The following CDH23 variants were observed in gnomAD, a reference collection of about 807,000 sequenced individuals.
CDH23 encodes cadherin-23.
Under a neutral mutation model 317.1 loss-of-function variants are expected in CDH23, and 189 were observed. That is an observed-to-expected ratio of 0.60 (90% confidence interval 0.53 to 0.67). CDH23 has a LOEUF of 0.67. Ranked by LOEUF, CDH23 falls within the 30% of genes least tolerant of loss-of-function variation. The pLI, the probability that CDH23 is intolerant of heterozygous loss-of-function variation, is 0.00. For missense variants in CDH23, 4,401 were observed against 4,592.4 expected (o/e 0.96, Z 1.20); for synonymous variants, 1,839 against 1,876.8 (o/e 0.98, Z 0.52).
At chr10:71,734,205 T>C in intron 32 of CDH23, 35 bp from the exon 33 acceptor site, 2 of 1,534,932 alleles carry the variant, frequency 1.3e-6, no homozygotes, top group Non-Finnish European at 1.8e-6. Context: ...AAGGGTGCGA[T>C]GTTGTCACTC....
intron 14 of CDH23, among the ~76,000 whole-genome samples, chr10:71,673,530 G>A (rs757788997): frequency 1.3e-5 from 2 of 152,224 alleles, no homozygotes; most frequent in Non-Finnish European, 2.9e-5. Context: ...ACTTTGGGCA[G>A]TGTGGTCTCC....
In CDH23 at chr10:71,482,858, C is replaced by G. The variant is rs564426141; in HGVS notation, c.146-27224C>G. Among the ~76,000 whole-genome samples the G allele has an allele frequency of 1.4e-4, 22 of 152,290 alleles. No homozygotes were observed. The South Asian group carries it at 3.1e-3, about 22-fold the overall frequency. On this transcript the variant is annotated intron_variant, in intron 3 of 69. Transcript: ENST00000224721. Reference sequence around the variant, plus strand: ...TTGCATTTGGCCCTAAGTTTTCTGACAGTTAAATCCAAGAGGGAGCCATCC... The same window carrying G: ...TTGCATTTGGCCCTAAGTTTTCTGAGAGTTAAATCCAAGAGGGAGCCATCC...
rs755817193 is a variant in CDH23, at chr10:71,784,388, C to T, written c.5470C>T (p.Arg1824Cys). 23 of 1,613,738 alleles carry T rather than the reference C, an allele frequency of 1.4e-5. No individual in the cohort carries two copies. In the African/African-American group the frequency reaches 2.5e-4, roughly 18 times the overall value. ...CTTCTACAACCTGACCATCTGTGCC[C>T]GTGACCGGGGGATGCCCCCACTCAG... ...IAFYNLTICA[R>C]DRGMPPLSST... Residue 1824 changes from arginine (R) to cysteine (C), a missense_variant, in exon 42 of 70, where the codon CGT (arginine) becomes TGT (cysteine). By Grantham distance (180) the Arg-to-Cys change is radical (BLOSUM62 -3). This residue lies in a region of CDH23 where 3,068 missense variants were observed against 3,203.3 expected (regional missense o/e 0.96). Transcript: ENST00000224721.
At chr10:71,693,261 G>C (rs1407100111) in intron 20 of CDH23, among the ~76,000 whole-genome samples, 1 of 148,026 alleles carries the variant, frequency 6.8e-6, no homozygotes, top group African/African-American at 2.5e-5. Context: ...TTTACACCAA[G>C]GAAATTGGCA....
chr10:71,466,178 C>T (rs1171623768), intron 3 of CDH23, among the ~76,000 whole-genome samples: 5 of 152,248 alleles, frequency 3.3e-5, no homozygotes, highest in East Asian at 3.9e-4. Flanking sequence ...TGTATGTGCC[C>T]GTCTGTGTGT....
Position 71,563,615 on chromosome 10 carries a change from A to T in CDH23, c.430-3127A>T, listed in dbSNP as rs116332736. The stretch of plus-strand genomic sequence containing the variant: ...GGCTCATCTCACCCTGCCTGTAATG[A>T]TATTTTATTACTATAGTAATAAGTG... On this transcript the variant is annotated intron_variant, in intron 6 of 69. Coordinates refer to ENST00000224721, the MANE Select transcript of CDH23 (RefSeq NM_022124.6). Among the ~76,000 whole-genome samples, 786 of 152,182 alleles carry T rather than the reference A, an allele frequency of 5.2e-3. 11 individuals carry two copies. The highest frequency in any genetic ancestry group is 0.018 in the African/African-American group (736 of 41,500).
chr10:71,797,134 G>A lies in CDH23; in HGVS notation c.6743G>A (p.Arg2248Gln), dbSNP rs769048383. The A allele has an allele frequency of 8.7e-6, 14 of 1,613,332 alleles. No individual in the cohort carries two copies. The highest frequency in any genetic ancestry group is 1.7e-4 in the Middle Eastern group (1 of 6,032). Reference sequence around the variant, plus strand: ...GTAATGGTGAAGTCCCCCATGAATCGGGAGCTGGTTGCCACCTATGAGGTC... The same window carrying A: ...GTAATGGTGAAGTCCCCCATGAATCAGGAGCTGGTTGCCACCTATGAGGTC... ...GSVMVKSPMN[R>Q]ELVATYEVTL... The change falls in exon 49 of 70, where the codon CGG becomes CAG. Residue 2248 changes from arginine (R) to glutamine (Q), a missense_variant. Transcript: ENST00000224721.
chr10:71,723,235 G>A (rs1005897919), intron 28 of CDH23, among the ~76,000 whole-genome samples: 1 of 152,186 alleles, frequency 6.6e-6, no homozygotes, highest in Non-Finnish European at 1.5e-5. Context: ...ACTGCCCTGG[G>A]GGGTGTTTGT....
chr10:71,469,592 G>A (rs567561504), intron 3 of CDH23, among the ~76,000 whole-genome samples: 20 of 146,164 alleles, frequency 1.4e-4, no homozygotes, highest in African/African-American at 4.6e-4. Context: ...TAAAGCTTTC[G>A]TGAACATTTG....
intron 3 of CDH23, among the ~76,000 whole-genome samples, chr10:71,465,530 G>A (rs1322407962): frequency 3.3e-5 from 5 of 152,252 alleles, no homozygotes; most frequent in Non-Finnish European, 7.3e-5. Context: ...GTGCCACCGA[G>A]TGGTCTGGAT....
intron 9 of CDH23, among the ~76,000 whole-genome samples, chr10:71,584,058 A>G (rs1858856937): frequency 1.3e-5 from 2 of 152,124 alleles, no homozygotes; most frequent in African/African-American, 4.8e-5. Flanking sequence ...CGCCCGGGCA[A>G]CACTGATGCT....
chr10:71,681,145 CTT>C (rs1250061152), intron 17 of CDH23, among the ~76,000 whole-genome samples: 1 of 152,042 alleles, frequency 6.6e-6, no homozygotes, highest in Non-Finnish European at 1.5e-5. Context: ...CTTTCAAAAA[CTT>C]AAAAGTTCCA....
In CDH23 at chr10:71,690,640, A is replaced by G. The variant is rs549149556; in HGVS notation, c.2176+56A>G. ...CTCCACACCCTGAGGCTGACTGTCC[A>G]TACCCGGCCCCAGGACCAGCCTCTG... is the stretch of plus-strand genomic sequence containing the variant. On this transcript the variant is annotated intron_variant, in intron 20 of 69. Transcript: ENST00000224721. 709 of 1,306,218 alleles carry G rather than the reference A, an allele frequency of 5.4e-4. 8 individuals are homozygous for G. The African/African-American group carries it at 9.4e-3, about 17-fold the overall frequency. The allele number at this position is 1,306,218 out of a possible 1,614,324, so 80.9% of individuals were successfully genotyped here.
At chr10:71,733,620 T>C (rs937214742) in intron 32 of CDH23, among the ~76,000 whole-genome samples, 2 of 152,340 alleles carry the variant, frequency 1.3e-5, no homozygotes, top group Middle Eastern at 3.4e-3. Flanking sequence ...TATCACAATG[T>C]CACAGAAAGC....
chr10:71,677,798 C>A, intron 16 of CDH23, 105 bp downstream of exon 16: 1 of 946,506 alleles, frequency 1.1e-6, no homozygotes, highest in Non-Finnish European at 1.6e-6. Context: ...ACAGGTCTCA[C>A]TCTTTCACCC....
chr10:71,669,018 G>T (rs1864030127), intron 14 of CDH23, among the ~76,000 whole-genome samples: 1 of 152,208 alleles, frequency 6.6e-6, no homozygotes, highest in Non-Finnish European at 1.5e-5. Context: ...TTATAAATCA[G>T]GCACTAGGGA....
At chr10:71,470,033 CTA>C (rs1239314806) in intron 3 of CDH23, among the ~76,000 whole-genome samples, 2 of 152,136 alleles carry the variant, frequency 1.3e-5, no homozygotes, top group Admixed American at 1.3e-4. Context: ...AAAATTTGTG[CTA>C]TGTTGCCCAG....
intron 18 of CDH23, among the ~76,000 whole-genome samples, chr10:71,685,881 G>A (rs956152500): frequency 1.3e-5 from 2 of 152,076 alleles, no homozygotes; most frequent in African/African-American, 2.4e-5. Flanking sequence ...TCGGCTAAGC[G>A]GCCTCCTCCC....
chr10:71,610,495 C>T (rs916083132), intron 9 of CDH23, among the ~76,000 whole-genome samples: 1 of 152,212 alleles, frequency 6.6e-6, no homozygotes, highest in Non-Finnish European at 1.5e-5. Flanking sequence ...AAGCTGGCCA[C>T]TTGCTAGCCA....
Sources: allele counts gnomAD v4.1 joint callset (sites outside exome capture counted in the v4.1 genomes callset), GRCh38; gene constraint gnomAD v4.1.1; regional missense constraint gnomAD v4.1.1; transcripts MANE v1.5; gene names NCBI Gene and HGNC (gene_info 2026-07-23, HGNC 2026-07-21).